CELF5: variants seen among roughly 807,000 people sequenced by gnomAD.
CELF5 encodes CUG-BP and ETR-3 like factor 5.
In CELF5, 6 loss-of-function variants were observed where a neutral mutation model predicts 54.9. That is an observed-to-expected ratio of 0.11 (90% CI 0.06 to 0.22). The LOEUF (loss-of-function observed/expected upper bound fraction) is 0.22, where lower values mean the gene tolerates loss of function less well. Among genes scored for constraint, CELF5 ranks in the 10% least tolerant of loss-of-function variants. CELF5 has a pLI of 1.00. For missense variants in CELF5, 401 were observed against 678.6 expected (o/e 0.59, Z 4.54); for synonymous variants, 271 against 290.9 (o/e 0.93, Z 0.70).
chr19:3,264,120 G>A (rs113235054), intron 2 of CELF5, among the ~76,000 whole-genome samples: 81 of 151,954 alleles, frequency 5.3e-4, no homozygotes, highest in Admixed American at 2.3e-3. Flanking sequence ...GCTTTTCTTC[G>A]TGGTTTTACT....
intron 4 of CELF5, among the ~76,000 whole-genome samples, chr19:3,277,229 A>G (rs1481728879): frequency 6.6e-6 from 1 of 151,810 alleles, no homozygotes; most frequent in Non-Finnish European, 1.5e-5. Flanking sequence ...TAATCCCAGC[A>G]CTTTGGGAGG....
chr19:3,259,480 A>G (rs867553780), intron 2 of CELF5, among the ~76,000 whole-genome samples: 1 of 150,570 alleles, frequency 6.6e-6, no homozygotes, highest in South Asian at 2.1e-4. Context: ...CTTTGGGGAA[A>G]AAGTTGAATC....
At chr19:3,235,047 T>C (rs1476596293) in intron 1 of CELF5, among the ~76,000 whole-genome samples, 1 of 152,020 alleles carries the variant, frequency 6.6e-6, no homozygotes, top group African/African-American at 2.4e-5. Flanking sequence ...ATCCCCTTCA[T>C]ACCATCCCCT....
intron 2 of CELF5, among the ~76,000 whole-genome samples, chr19:3,260,915 C>T (rs2079800084): frequency 6.6e-6 from 1 of 151,838 alleles, no homozygotes; most frequent in Admixed American, 6.6e-5. Flanking sequence ...AGCCACTGCG[C>T]CTGGCCACCT....
rs1416139781 is a variant in CELF5, at chr19:3,282,056, C to T, written c.751-70C>T. 1.9e-6 allele frequency: 3 copies of T among 1,576,904 alleles called. No homozygotes were observed. Among genetic ancestry groups the T allele is most frequent in the South Asian group, 2.2e-5 (2 of 89,766 alleles). ...ACCTCCTCACTAGTAACTGGGGTAC[C>T]AAGCCTCCCCTCATAAGCCATGATC... On this transcript the variant is annotated intron_variant, in intron 6 of 12. Transcript: ENST00000292672. This position sits in a 1 kb window ranked among gnomAD's most constrained non-coding sequence, Gnocchi z 5.2.
At chr19:3,262,967 A>G (rs2079826209) in intron 2 of CELF5, among the ~76,000 whole-genome samples, 1 of 149,712 alleles carries the variant, frequency 6.7e-6, no homozygotes, top group South Asian at 2.1e-4. Context: ...AAAAAAATAG[A>G]TAAATTTGTG....
chr19:3,224,690 G>A lies in CELF5; in HGVS notation c.-50G>A. 2.0e-6 allele frequency: 2 copies of A among 993,384 alleles called. No homozygotes were observed. The allele number at this position is 993,384 out of a possible 1,614,324, so 61.5% of individuals were successfully genotyped here. A position where few individuals can be genotyped will look rare whatever the true frequency, so the allele number is the denominator to read the frequency against. On this transcript the variant is annotated 5_prime_UTR_variant, in exon 1 of 13. Transcript: ENST00000292672. ...GGCGCGGCCGCCGCTCCAGCTGCGAGTCCGCCCGCCGCCCGCCGCCGCCGC... is the reference window on the plus strand; with the variant it reads ...GGCGCGGCCGCCGCTCCAGCTGCGAATCCGCCCGCCGCCCGCCGCCGCCGC...
intron 10 of CELF5, among the ~76,000 whole-genome samples, chr19:3,289,797 G>T (rs565575179): frequency 1.0e-3 from 147 of 145,884 alleles, no homozygotes; most frequent in African/African-American, 2.8e-3. Context: ...TTATTGCAAA[G>T]ATATTACCAA....
chr19:3,277,086 G>A (rs2145241897), intron 4 of CELF5, among the ~76,000 whole-genome samples: 1 of 152,324 alleles, frequency 6.6e-6, no homozygotes, highest in African/African-American at 2.4e-5. Context: ...TCTGTCCACA[G>A]AGCTCATCAT....
At chr19:3,227,055 G>C (rs1015453105) in intron 1 of CELF5, among the ~76,000 whole-genome samples, 2 of 152,108 alleles carry the variant, frequency 1.3e-5, no homozygotes, top group Non-Finnish European at 2.9e-5. Flanking sequence ...CCACTTTTTA[G>C]GGGTCCCAGG....
Position 3,281,246 on chromosome 19 carries a change from G to A in CELF5, c.651G>A (p.Glu217=), listed in dbSNP as rs1247591831. The A allele has an allele frequency of 6.2e-6, 10 of 1,610,908 alleles. No individual in the cohort carries two copies. Among genetic ancestry groups the A allele is most frequent in the Admixed American group, 1.7e-5 (1 of 60,012 alleles). The change falls in exon 6 of 13, where the codon GAG becomes GAA. Residue 217 remains glutamate, a synonymous_variant. Coordinates refer to ENST00000292672, the MANE Select transcript of CELF5 (RefSeq NM_021938.4). The surrounding 1 kb of genome is among the most constrained non-coding windows in gnomAD (Gnocchi z 6.5). ...TCAAGTTCGCCGACACGGACAAGGA[G>A]CGGACGCTCCGGCGCATGCAGCAGA... The part of the protein sequence containing the change: ...LVVKFADTDK[E]RTLRRMQQMV...
At chr19:3,271,185 G>C (rs1446028526) in intron 2 of CELF5, among the ~76,000 whole-genome samples, 1 of 151,140 alleles carries the variant, frequency 6.6e-6, no homozygotes, top group Non-Finnish European at 1.5e-5. Context: ...GGCCAACGGA[G>C]GTGGGGTGGG....
At chr19:3,235,030 C>G (rs560477777) in intron 1 of CELF5, among the ~76,000 whole-genome samples, 30 of 152,204 alleles carry the variant, frequency 2.0e-4, no homozygotes, top group African/African-American at 6.7e-4. Flanking sequence ...CTCCCGTGAC[C>G]TGCCTCATCC....
Position 3,228,111 on chromosome 19 carries a change from GAGAGAGAGAGAGAGAGATGAGGACAC to G in CELF5, c.259+3131_259+3156del, listed in dbSNP as rs970107482. Among the ~76,000 whole-genome samples, 8 of 151,880 alleles carry G rather than the reference GAGAGAGAGAGAGAGAGATGAGGACAC, an allele frequency of 5.3e-5. No individual in the cohort carries two copies. The highest frequency in any genetic ancestry group is 1.3e-4 in the Admixed American group (2 of 15,236). On this transcript the variant is annotated intron_variant, in intron 1 of 12. Transcript: ENST00000292672. This position sits in a 1 kb window ranked among gnomAD's most constrained non-coding sequence, Gnocchi z 6.0. ...TGGGGCGCTGGGTTTGTTTTTAAGA[GAGAGAGAGAGAGAGAGATGAGGACAC>G]AGAGAGAGAGAGAGAGACACGCAGG...
At chr19:3,234,763 G>A (rs1917439482) in intron 1 of CELF5, among the ~76,000 whole-genome samples, 1 of 152,036 alleles carries the variant, frequency 6.6e-6, no homozygotes, top group Non-Finnish European at 1.5e-5. Context: ...AGATTCTGAT[G>A]GCTCTGCCTT....
rs771514339 is a variant in CELF5 at position 3,293,417 on chromosome 19, C to T, written c.1429C>T (p.Arg477Trp). The T allele has an allele frequency of 3.1e-6, 5 of 1,614,000 alleles. No homozygotes were observed. The highest frequency in any genetic ancestry group is 1.1e-5 in the South Asian group (1 of 91,092). ...GAAGAGGCTCAAAGTCCAGCTGAAG[C>T]GGCCCAAAGACCCGGGACACCCCTA... ...GMKRLKVQLK[R>W]PKDPGHPY The change falls in exon 12 of 13, where the codon CGG (arginine) becomes TGG (tryptophan). Residue 477 changes from arginine to tryptophan, a missense_variant. This residue lies in a region of CELF5 where 59 missense variants were observed against 128.8 expected (regional missense o/e 0.46). Coordinates refer to ENST00000292672, the MANE Select transcript of CELF5 (RefSeq NM_021938.4).
Position 3,282,399 on chromosome 19 carries a change from G to C in CELF5, c.940G>C (p.Val314Leu). 1 of 1,612,316 alleles carries C rather than the reference G, an allele frequency of 6.2e-7. No individual in the cohort carries two copies. The highest frequency in any genetic ancestry group is 1.1e-5 in the South Asian group (1 of 91,086). Reference sequence around the variant, plus strand: ...GGGCACCACCGCTGTGCCTGGCCTCGTGGCTCCCATCACCAATGGCTTTGC... The same window carrying C: ...GGGCACCACCGCTGTGCCTGGCCTCCTGGCTCCCATCACCAATGGCTTTGC... Reference protein sequence around the residue: ...LLGTTAVPGLVAPITNGFAGV... With the variant: ...LLGTTAVPGLLAPITNGFAGV... The change falls in exon 8 of 13, where the codon GTG becomes CTG. Residue 314 changes from valine to leucine, a missense_variant. Physicochemically the swap from Val to Leu is conservative, Grantham distance 32. Transcript: ENST00000292672. The surrounding 1 kb of genome is among the most constrained non-coding windows in gnomAD (Gnocchi z 5.2).
chr19:3,249,980 T>C (rs1000968015), intron 1 of CELF5, among the ~76,000 whole-genome samples: 1 of 151,948 alleles, frequency 6.6e-6, no homozygotes, highest in Non-Finnish European at 1.5e-5. Context: ...GCTCAGCCAC[T>C]GACTTTGTTA....
chr19:3,239,861 C>G (rs1003497610), intron 1 of CELF5, among the ~76,000 whole-genome samples: 1 of 152,112 alleles, frequency 6.6e-6, no homozygotes, highest in African/African-American at 2.4e-5. Context: ...CCAGGAGGCT[C>G]TTTCCCGCAC....
Sources: gnomAD v4.1 joint callset for allele counts (sites outside exome capture counted in the v4.1 genomes callset) on GRCh38, gnomAD v4.1.1 for gene constraint, gnomAD v4.1.1 regional missense constraint, Gnocchi (gnomAD v3.1) non-coding constraint, MANE v1.5 for transcripts, NCBI Gene and HGNC (gene_info 2026-07-23, HGNC 2026-07-21) for gene names.